The following BEND3 variants were observed in gnomAD, a reference collection of about 807,000 sequenced individuals.
The protein encoded by BEND3 is BEN domain-containing protein 3.
A neutral mutation model predicts 60.1 loss-of-function variants in BEND3; 13 were observed. The observed-to-expected ratio is 0.22, with a 90% CI of 0.14 to 0.34. BEND3 has a LOEUF of 0.34. Among genes scored for constraint, BEND3 ranks in the 10% least tolerant of loss-of-function variants. The probability of loss-of-function intolerance (pLI) is 1.00; values close to 1 mark genes in which losing one functional copy is unlikely to be tolerated. For synonymous variants in BEND3, 497 were observed against 491.5 expected (o/e 1.01, Z -0.15); for missense variants, 896 against 1,138.1 (o/e 0.79, Z 3.06).
At chr6:107,089,218 A>C (rs1337485030) in intron 3 of BEND3, among the ~76,000 whole-genome samples, 1 of 152,224 alleles carries the variant, frequency 6.6e-6, no homozygotes, top group Non-Finnish European at 1.5e-5. Context: ...ACACAAAAAA[A>C]GGAATGATAT....
At position 107,067,268 on chromosome 6, in the gene BEND3, T is replaced by G. The variant is rs1264133522; in HGVS notation, c.*1436A>C. 6.6e-6 allele frequency: 1 copy of G among 152,204 alleles called. No homozygotes were observed. Among genetic ancestry groups the G allele is most frequent in the East Asian group, 1.9e-4 (1 of 5,192 alleles). The allele number at this position is 152,204 out of a possible 1,614,324, so 9.4% of individuals were successfully genotyped here. A position where few individuals can be genotyped will look rare whatever the true frequency, so the allele number is the denominator to read the frequency against. On this transcript the variant is annotated 3_prime_UTR_variant, in exon 4 of 4. Transcript: ENST00000369042. The stretch of plus-strand genomic sequence containing the variant: ...GGGGTTCTATGACTACCCTGTGTGA[T>G]TCAATAAATTTTCCAGGACTCTGGT...
chr6:107,082,436 T>A (rs553304534), intron 3 of BEND3, among the ~76,000 whole-genome samples: 1 of 152,124 alleles, frequency 6.6e-6, no homozygotes, highest in Non-Finnish European at 1.5e-5. Flanking sequence ...TTGCTTTTTA[T>A]TTTTTTTGAT....
At chr6:107,072,922 A>G (rs1316482551) in intron 3 of BEND3, among the ~76,000 whole-genome samples, 1 of 152,032 alleles carries the variant, frequency 6.6e-6, no homozygotes, top group African/African-American at 2.4e-5. Context: ...TGGGAGATGG[A>G]GGCTGCAGTG....
At chr6:107,088,579 A>T (rs374518493) in intron 3 of BEND3, among the ~76,000 whole-genome samples, 16 of 152,206 alleles carry the variant, frequency 1.1e-4, no homozygotes, top group African/African-American at 2.4e-4. Context: ...ATCAAAGATT[A>T]AAAAAAATCC....
At position 107,068,628 on chromosome 6, in the gene BEND3, C is replaced by T. The variant is rs1333054363; in HGVS notation, c.*76G>A. ...TCTGTGGATGCCATAGGCGTGCTCC[C>T]AAGTATTGCTCAGTCCCAAGGGTGC... On this transcript the variant is annotated 3_prime_UTR_variant, in exon 4 of 4. Coordinates refer to ENST00000369042, the MANE Select transcript of BEND3 (RefSeq NM_001367314.1). This position sits in a 1 kb window ranked among gnomAD's most constrained non-coding sequence, Gnocchi z 5.8. 1.3e-6 allele frequency: 2 copies of T among 1,511,806 alleles called. No individual in the cohort carries two copies. The highest frequency in any genetic ancestry group is 1.8e-6 in the Non-Finnish European group (2 of 1,121,108). 93.6% of individuals were successfully genotyped at this position (1,511,806 alleles called of 1,614,324 possible).
At chr6:107,104,603 T>C (rs913655629) in intron 1 of BEND3, among the ~76,000 whole-genome samples, 1 of 152,102 alleles carries the variant, frequency 6.6e-6, no homozygotes, top group African/African-American at 2.4e-5. Context: ...AATAATACAA[T>C]GTAAGTGGTA....
In BEND3 at chr6:107,115,147, T is replaced by G. The variant is rs1365212817; in HGVS notation, c.-69A>C. Reference sequence around the variant, plus strand: ...GCCCGCGCCGAGTTTGGGCGCCACGTGGGGGGGAGGGCGCGGGGCCGGGGA... The same window carrying G: ...GCCCGCGCCGAGTTTGGGCGCCACGGGGGGGGGAGGGCGCGGGGCCGGGGA... On this transcript the variant is annotated 5_prime_UTR_variant, in exon 1 of 4. Coordinates refer to ENST00000369042, the MANE Select transcript of BEND3 (RefSeq NM_001367314.1). The G allele has an allele frequency of 6.8e-5, 10 of 146,308 alleles. No individual in the cohort carries two copies. In the East Asian group the frequency reaches 1.7e-3, roughly 25 times the overall value. 9.1% of individuals were successfully genotyped at this position (146,308 alleles called of 1,614,324 possible).
intron 3 of BEND3, among the ~76,000 whole-genome samples, chr6:107,094,589 T>G (rs1335145030): frequency 1.3e-5 from 2 of 151,080 alleles, no homozygotes; most frequent in Non-Finnish European, 3.0e-5. Flanking sequence ...CCATTGCACT[T>G]CAGCCTGGGC....
chr6:107,078,334 C>A (rs544921798), intron 3 of BEND3, among the ~76,000 whole-genome samples: 43 of 151,976 alleles, frequency 2.8e-4, no homozygotes, highest in African/African-American at 1.0e-3. Flanking sequence ...GCTGGGTGTC[C>A]TCAAGGGCAT....
intron 3 of BEND3, among the ~76,000 whole-genome samples, chr6:107,082,730 AGTGGTTGCTTTAAACTACTAG>A (rs532200764): frequency 1.1e-3 from 164 of 152,282 alleles, no homozygotes; most frequent in African/African-American, 3.6e-3. Flanking sequence ...CGCCCAGCCT[AGTGGTTGCTTTAAACTACTAG>A]GTTCTGGAGT....
intron 3 of BEND3, among the ~76,000 whole-genome samples, chr6:107,072,755 T>G (rs1775009713): frequency 6.6e-6 from 1 of 152,092 alleles, no homozygotes; most frequent in African/African-American, 2.4e-5. Context: ...GAGGCCAAGA[T>G]GGGTGGATCT....
chr6:107,109,557 A>G (rs1170190724), intron 1 of BEND3, among the ~76,000 whole-genome samples: 3 of 151,396 alleles, frequency 2.0e-5, no homozygotes, highest in Non-Finnish European at 4.4e-5. Flanking sequence ...TGGGCAATAC[A>G]GTGAATCCCC....
At chr6:107,109,592 T>A (rs528373453) in intron 1 of BEND3, among the ~76,000 whole-genome samples, 3,936 of 150,320 alleles carry the variant, frequency 0.026, 163 homozygotes, top group African/African-American at 0.091. Context: ...TACAAAAAAA[T>A]TGCCGGCACG....
chr6:107,069,746 C>A lies in BEND3; in HGVS notation c.1445G>T (p.Gly482Val). 2 of 1,612,246 alleles carry A rather than the reference C, an allele frequency of 1.2e-6. No homozygotes were observed. Among genetic ancestry groups the A allele is most frequent in the East Asian group, 2.2e-5 (1 of 44,866 alleles). The part of the protein sequence containing the change: ...CAQRINDELE[G>V]LGLDAGSEGD... ...TTCACTGCCCGCGTCCAGCCCCAGG[C>A]CCTCGAGCTCGTCGTTGATGCGCTG... The change falls in exon 4 of 4, where the codon GGC becomes GTC. Residue 482 changes from glycine to valine, a missense_variant. This residue lies in a region of BEND3 where 846 missense variants were observed against 1,036.7 expected (regional missense o/e 0.82). Coordinates refer to ENST00000369042, the MANE Select transcript of BEND3 (RefSeq NM_001367314.1).
chr6:107,113,052 G>A (rs1323484998), intron 1 of BEND3, among the ~76,000 whole-genome samples: 1 of 152,100 alleles, frequency 6.6e-6, no homozygotes, highest in Non-Finnish European at 1.5e-5. Flanking sequence ...CAGCTACTCG[G>A]GAGGCTGTGG....
At chr6:107,097,471 C>T (rs544964753) in intron 3 of BEND3, among the ~76,000 whole-genome samples, 1 of 151,192 alleles carries the variant, frequency 6.6e-6, no homozygotes, top group Admixed American at 6.6e-5. Flanking sequence ...AAAAAAAAAC[C>T]CTGAATAAAT....
At chr6:107,110,620 G>A (rs1180255454) in intron 1 of BEND3, among the ~76,000 whole-genome samples, 2 of 152,060 alleles carry the variant, frequency 1.3e-5, no homozygotes, top group African/African-American at 4.8e-5. Context: ...GTGCAGTGTG[G>A]CACGATCTTG....
chr6:107,085,455 CTTTTCTTTTGTT>C (rs1329095679), intron 3 of BEND3, among the ~76,000 whole-genome samples: 1 of 152,050 alleles, frequency 6.6e-6, no homozygotes, highest in Non-Finnish European at 1.5e-5. Flanking sequence ...AGAGCATCCT[CTTTTCTTTTGTT>C]TTTTCTTTCT....
chr6:107,113,451 AAAC>A (rs550505062), intron 1 of BEND3, among the ~76,000 whole-genome samples: 18,418 of 59,934 alleles, frequency 0.31, 3,210 homozygotes, highest in African/African-American at 0.41. Flanking sequence ...AAAAAAAAAA[AAAC>A]AAAAAAAAAA....
Sources: allele counts gnomAD v4.1 joint callset (sites outside exome capture counted in the v4.1 genomes callset), GRCh38; gene constraint gnomAD v4.1.1; regional missense constraint gnomAD v4.1.1; non-coding constraint Gnocchi (gnomAD v3.1); transcripts MANE v1.5; gene names NCBI Gene and HGNC (gene_info 2026-07-23, HGNC 2026-07-21).